The following KIAA1217 variants were observed in gnomAD, a reference collection of about 807,000 sequenced individuals.
KIAA1217 encodes sickle tail protein homolog.
In KIAA1217, 88 loss-of-function variants were observed where a neutral mutation model predicts 163.9. The ratio of observed to expected loss-of-function variants is 0.54; its 90% CI spans 0.45 to 0.64. KIAA1217 has a LOEUF of 0.64. Among genes scored for constraint, KIAA1217 ranks in the 30% least tolerant of loss-of-function variants. KIAA1217 has a pLI of 0.00. For missense variants in KIAA1217, 2,372 were observed against 2,475.0 expected, an observed-to-expected ratio of 0.96 and a Z score of 0.88; for synonymous variants, 903 against 923.1, an observed-to-expected ratio of 0.98 and a Z score of 0.39.
chr10:23,772,677 A>C (rs1301296644), intron 1 of KIAA1217, among the ~76,000 whole-genome samples: 2 of 152,170 alleles, frequency 1.3e-5, no homozygotes, highest in African/African-American at 4.8e-5. Context: ...CACTCCGCGA[A>C]CTATTAGAGA....
chr10:24,532,067 GAAC>G (rs1222087291), intron 15 of KIAA1217, 74 bp downstream of exon 15: 2 of 1,322,346 alleles, frequency 1.5e-6, no homozygotes, highest in Middle Eastern at 2.0e-4. Flanking sequence ...CTCTCTGTTG[GAAC>G]ATAAAAAGTA....
chr10:23,786,010 G>A lies in KIAA1217; in HGVS notation c.-321+90776G>A, dbSNP rs142472602. ...TAAAAATAAATCAGACATAAAAGTT[G>A]CCCTCAAAAAACTTCCTCTCTGGTA... On this transcript the variant is annotated intron_variant, in intron 1 of 18. Transcript: ENST00000376462. Among the ~76,000 whole-genome samples, 4 of 152,186 alleles carry A rather than the reference G, an allele frequency of 2.6e-5. No individual in the cohort carries two copies. In the East Asian group the frequency reaches 7.7e-4, roughly 29 times the overall value.
At chr10:23,807,280 C>T (rs1371988664) in intron 1 of KIAA1217, among the ~76,000 whole-genome samples, 1 of 152,222 alleles carries the variant, frequency 6.6e-6, no homozygotes, top group East Asian at 1.9e-4. Flanking sequence ...GACTATGCTG[C>T]CATCATTTAG....
intron 2 of KIAA1217, among the ~76,000 whole-genome samples, chr10:24,183,569 G>A (rs940608289): frequency 1.3e-5 from 2 of 152,172 alleles, no homozygotes; most frequent in Admixed American, 1.3e-4. Flanking sequence ...AACTAAACAT[G>A]AATGATAGAA....
intron 2 of KIAA1217, among the ~76,000 whole-genome samples, chr10:24,327,143 T>G (rs1168986684): frequency 6.6e-6 from 1 of 152,246 alleles, no homozygotes; most frequent in Non-Finnish European, 1.5e-5. Flanking sequence ...TCTTCTAAAT[T>G]GGTATTGCTT....
chr10:24,442,249 C>G (rs1159432622), intron 5 of KIAA1217, among the ~76,000 whole-genome samples: 1 of 152,142 alleles, frequency 6.6e-6, no homozygotes, highest in African/African-American at 2.4e-5. Context: ...ACTTTTGTGT[C>G]TAAATACCTT....
At chr10:23,974,704 A>G (rs570552345) in intron 1 of KIAA1217, among the ~76,000 whole-genome samples, 3 of 152,330 alleles carry the variant, frequency 2.0e-5, no homozygotes, top group South Asian at 4.1e-4. Flanking sequence ...CTCATATTAT[A>G]TGCTGAAAAA....
At chr10:23,978,219 C>A (rs968392334) in intron 1 of KIAA1217, among the ~76,000 whole-genome samples, 1 of 152,150 alleles carries the variant, frequency 6.6e-6, no homozygotes, top group African/African-American at 2.4e-5. Flanking sequence ...GAGACTTCCT[C>A]CAGATTCTGC....
At chr10:24,499,484 GC>G (rs1267672947) in intron 8 of KIAA1217, among the ~76,000 whole-genome samples, 2 of 152,176 alleles carry the variant, frequency 1.3e-5, no homozygotes, top group African/African-American at 4.8e-5. Context: ...TGTAATCCCA[GC>G]ACTTTGGGAG....
intron 2 of KIAA1217, among the ~76,000 whole-genome samples, chr10:24,299,670 G>A (rs889981367): frequency 1.3e-5 from 2 of 152,112 alleles, no homozygotes; most frequent in Non-Finnish European, 1.5e-5. Context: ...AAAGTACTGG[G>A]ATTACAGGCA....
chr10:23,793,374 T>C (rs1178495811), intron 1 of KIAA1217, among the ~76,000 whole-genome samples: 1 of 152,204 alleles, frequency 6.6e-6, no homozygotes, highest in Non-Finnish European at 1.5e-5. Context: ...TGGGCATGAT[T>C]ATTCCATGTC....
intron 2 of KIAA1217, among the ~76,000 whole-genome samples, chr10:24,118,366 A>G (rs1207329477): frequency 6.6e-6 from 1 of 152,130 alleles, no homozygotes; most frequent in Non-Finnish European, 1.5e-5. Flanking sequence ...GAGACAGCAT[A>G]TATGGGCTCA....
intron 1 of KIAA1217, among the ~76,000 whole-genome samples, chr10:23,756,117 C>T (rs114618692): frequency 0.014 from 2,040 of 150,566 alleles, 45 homozygotes; most frequent in African/African-American, 0.048. Flanking sequence ...CCACCACACC[C>T]GGCTAATTTT....
intron 1 of KIAA1217, among the ~76,000 whole-genome samples, chr10:23,705,402 CATTTT>C (rs1381456213): frequency 6.6e-6 from 1 of 152,034 alleles, no homozygotes; most frequent in African/African-American, 2.4e-5. Flanking sequence ...AATTTGTCTA[CATTTT>C]ATTTTAAGTA....
intron 6 of KIAA1217, among the ~76,000 whole-genome samples, chr10:24,485,842 G>A (rs1030456711): frequency 3.3e-5 from 5 of 152,214 alleles, no homozygotes; most frequent in East Asian, 1.9e-4. Context: ...ACCCAGAGAC[G>A]TTAAGTGACT....
At chr10:23,978,617 ACT>A in intron 1 of KIAA1217, among the ~76,000 whole-genome samples, 2 of 152,118 alleles carry the variant, frequency 1.3e-5, no homozygotes. Flanking sequence ...GAATTAATAG[ACT>A]CTGAATGTTG....
chr10:23,867,664 T>C (rs1450935942), intron 1 of KIAA1217, among the ~76,000 whole-genome samples: 1 of 152,230 alleles, frequency 6.6e-6, no homozygotes, highest in Non-Finnish European at 1.5e-5. Context: ...GAGAAGTGTC[T>C]GTTCATGTCC....
intron 6 of KIAA1217, among the ~76,000 whole-genome samples, chr10:24,485,192 T>TCCAACCAGAAA (rs2065233859): frequency 6.6e-6 from 1 of 151,936 alleles, no homozygotes; most frequent in Non-Finnish European, 1.5e-5. Flanking sequence ...CTTATGTAAT[T>TCCAACCAGAAA]CCAGGATTCT....
At chr10:24,206,138 C>T (rs564003750), upstream of KIAA1217, among the ~76,000 whole-genome samples, 22 of 152,250 alleles carry the variant, frequency 1.4e-4, no homozygotes, top group African/African-American at 4.3e-4. Context: ...TTAACAGAAA[C>T]GGAGTTGAAA....
Sources: allele counts gnomAD v4.1 joint callset (sites outside exome capture counted in the v4.1 genomes callset), GRCh38; gene constraint gnomAD v4.1.1; transcripts MANE v1.5; gene names NCBI Gene and HGNC (gene_info 2026-07-23, HGNC 2026-07-21).